Variants in GTF2IRD1 observed in about 807,000 individuals in gnomAD.
GTF2IRD1 encodes the protein general transcription factor II-I repeat domain-containing protein 1.
Under a neutral mutation model 113.2 loss-of-function variants are expected in GTF2IRD1, and 26 were observed. That is an observed-to-expected ratio of 0.23 (90% confidence interval 0.17 to 0.32). GTF2IRD1 has a LOEUF of 0.32. Among genes scored for constraint, GTF2IRD1 ranks in the 10% least tolerant of loss-of-function variants. The pLI is 1.00. For missense variants in GTF2IRD1, 864 were observed against 1,280.8 expected, an observed-to-expected ratio of 0.67 and a Z score of 4.97; for synonymous variants, 484 against 529.1, an observed-to-expected ratio of 0.91 and a Z score of 1.17.
intron 1 of GTF2IRD1, among the ~76,000 whole-genome samples, chr7:74,470,551 C>T (rs940376106): frequency 8.5e-5 from 13 of 152,108 alleles, no homozygotes; most frequent in Non-Finnish European, 1.6e-4. Flanking sequence ...GAAATGAAAG[C>T]TCAAATTCAC....
intron 26 of GTF2IRD1, chr7:74,602,099 G>A (rs1055528456): frequency 3.5e-5 from 10 of 282,616 alleles, no homozygotes; most frequent in Non-Finnish European, 5.2e-5. Flanking sequence ...AAAATTAGCC[G>A]GGCATGGTGG....
Position 74,508,123 on chromosome 7 carries a change from T to A in GTF2IRD1, c.43T>A (p.Cys15Ser), listed in dbSNP as rs1584550527. The change falls in exon 2 of 27, where the codon TGC (cysteine) becomes AGC (serine). Residue 15 changes from cysteine (C) to serine (S), a missense_variant. Around this residue, in one of 7 missense-constraint regions of GTF2IRD1, gnomAD observed 182 missense variants for 266.6 expected, o/e 0.68. Transcript: ENST00000424337. The part of the protein sequence containing the change: ...GKRCDVPTNG[C>S]GPDRWNSAFT... Reference sequence around the variant, plus strand: ...GCGCTGTGACGTCCCCACCAACGGCTGCGGACCCGACCGCTGGAACTCCGC... The same window carrying A: ...GCGCTGTGACGTCCCCACCAACGGCAGCGGACCCGACCGCTGGAACTCCGC... The A allele has an allele frequency of 2.5e-6, 4 of 1,611,160 alleles. No individual in the cohort carries two copies. The highest frequency in any genetic ancestry group is 1.3e-5 in the African/African-American group (1 of 74,912).
At chr7:74,504,814 TCTCCTGC>T (rs1474812232) in intron 1 of GTF2IRD1, among the ~76,000 whole-genome samples, 1 of 150,508 alleles carries the variant, frequency 6.6e-6, no homozygotes, top group East Asian at 2.0e-4. Flanking sequence ...TTCCAGCGAT[TCTCCTGC>T]CTCAGACTCC....
chr7:74,564,799 G>A (rs1800193283), intron 22 of GTF2IRD1, among the ~76,000 whole-genome samples: 1 of 152,140 alleles, frequency 6.6e-6, no homozygotes, highest in Non-Finnish European at 1.5e-5. Context: ...TTTCCCAGCT[G>A]AGGACATCAC....
At chr7:74,571,079 G>T in intron 22 of GTF2IRD1, 4 of 984,984 alleles carry the variant, frequency 4.1e-6, no homozygotes, top group Non-Finnish European at 4.8e-6. Flanking sequence ...AGCTTGAGGG[G>T]ACTGTGGGAA....
At chr7:74,526,808 A>T (rs1797628682) in intron 8 of GTF2IRD1, among the ~76,000 whole-genome samples, 1 of 151,854 alleles carries the variant, frequency 6.6e-6, no homozygotes, top group Non-Finnish European at 1.5e-5. Context: ...GTGGGGGGGA[A>T]GTGGGGAGAG....
At chr7:74,488,839 G>A (rs1554336083) in intron 1 of GTF2IRD1, among the ~76,000 whole-genome samples, 1 of 151,920 alleles carries the variant, frequency 6.6e-6, no homozygotes, top group African/African-American at 2.4e-5. Context: ...TACTAAGAGT[G>A]CCTTAAGAAA....
Position 74,523,517 on chromosome 7 carries a change from C to T in GTF2IRD1, c.1007-554C>T, listed in dbSNP as rs900598387. ...GGTGGATCACCTGAGGTCAGGAGTT[C>T]GACACCAGCCTGGCCAACATGGTGA... On this transcript the variant is annotated intron_variant, in intron 7 of 26. Transcript: ENST00000424337. Among the ~76,000 whole-genome samples, 4 of 152,124 alleles carry T rather than the reference C, an allele frequency of 2.6e-5. No homozygotes were observed. The South Asian group carries it at 6.2e-4, about 24-fold the overall frequency.
intron 1 of GTF2IRD1, among the ~76,000 whole-genome samples, chr7:74,497,893 T>C (rs1554338501): frequency 6.6e-6 from 1 of 152,086 alleles, no homozygotes; most frequent in Non-Finnish European, 1.5e-5. Context: ...TTAGTGGAGA[T>C]GGGTTTCACC....
Position 74,519,692 on chromosome 7 carries a change from G to A in GTF2IRD1, c.889G>A (p.Gly297Ser), listed in dbSNP as rs782267935. ...GCCCATGCCAGAGCCCAAGGCCACC[G>A]GTGCCCAAGACTTCTCCGACTGTTG... is the stretch of plus-strand genomic sequence containing the variant. ...SRPMPEPKAT[G>S]AQDFSDCCGQ... Residue 297 changes from glycine to serine, a missense_variant, in exon 6 of 27, where the codon GGT becomes AGT. By Grantham distance (56) the Gly-to-Ser change is moderately conservative. Transcript: ENST00000424337. 35 of 1,587,206 alleles carry A rather than the reference G, an allele frequency of 2.2e-5. No individual in the cohort carries two copies. Among genetic ancestry groups the A allele is most frequent in the Middle Eastern group, 1.7e-4 (1 of 5,928 alleles).
chr7:74,495,848 T>A (rs1795626512), intron 1 of GTF2IRD1, among the ~76,000 whole-genome samples: 1 of 152,156 alleles, frequency 6.6e-6, no homozygotes, highest in Non-Finnish European at 1.5e-5. Context: ...CAGGTTCAGC[T>A]TGATCTGTGA....
At chr7:74,503,978 T>A (rs1036864432) in intron 1 of GTF2IRD1, among the ~76,000 whole-genome samples, 3 of 152,244 alleles carry the variant, frequency 2.0e-5, no homozygotes, top group Non-Finnish European at 4.4e-5. Flanking sequence ...TACCCAACGT[T>A]TAGCTCCCCT....
At chr7:74,546,692 G>A (rs1798962957) in intron 16 of GTF2IRD1, among the ~76,000 whole-genome samples, 1 of 152,206 alleles carries the variant, frequency 6.6e-6, no homozygotes, top group South Asian at 2.1e-4. Flanking sequence ...AGCAGCGTGT[G>A]GGGTTGCTTA....
Position 74,542,466 on chromosome 7 carries a change from A to G in GTF2IRD1, c.1619-2289A>G, listed in dbSNP as rs375099808. Among the ~76,000 whole-genome samples, 9 of 152,328 alleles carry G rather than the reference A, an allele frequency of 5.9e-5. No homozygotes were observed. The East Asian group carries it at 1.2e-3, about 20-fold the overall frequency. On this transcript the variant is annotated intron_variant, in intron 14 of 26. Coordinates refer to ENST00000424337, the MANE Select transcript of GTF2IRD1 (RefSeq NM_005685.4). ...TGTAACACTAAGCAAAAGAGGAAAAATTGATTGTGCTTTGCTTACAACTGT... is the reference window on the plus strand; with the variant it reads ...TGTAACACTAAGCAAAAGAGGAAAAGTTGATTGTGCTTTGCTTACAACTGT...
At chr7:74,502,506 A>G (rs1273129215) in intron 1 of GTF2IRD1, among the ~76,000 whole-genome samples, 3 of 152,226 alleles carry the variant, frequency 2.0e-5, no homozygotes, top group Admixed American at 2.0e-4. Flanking sequence ...ATTGGAAATC[A>G]CAGCTGGATT....
intron 14 of GTF2IRD1, among the ~76,000 whole-genome samples, chr7:74,543,885 A>AAAAC (rs1554352430): frequency 6.6e-6 from 1 of 150,378 alleles, no homozygotes; most frequent in African/African-American, 2.4e-5. Context: ...AAAAAAAAAA[A>AAAAC]AAAAAAAAAA....
At chr7:74,547,364 A>G (rs777967153) in intron 17 of GTF2IRD1, 78 bp downstream of exon 17, 302 of 1,184,640 alleles carry the variant, frequency 2.5e-4, no homozygotes, top group Non-Finnish European at 3.5e-4. Context: ...CCAAATTGCC[A>G]TCAAGCAATT....
At chr7:74,567,946 C>T (rs113323312) in intron 22 of GTF2IRD1, among the ~76,000 whole-genome samples, 3,029 of 151,848 alleles carry the variant, frequency 0.02, 79 homozygotes, top group African/African-American at 0.067. Context: ...CTATCGCGCC[C>T]GACTATTTTT....
intron 22 of GTF2IRD1, among the ~76,000 whole-genome samples, chr7:74,571,658 TCGAAACCAGC>T (rs781955088): frequency 8.5e-5 from 13 of 152,066 alleles, no homozygotes; most frequent in Non-Finnish European, 1.8e-4. Context: ...ATCCAGGAGT[TCGAAACCAGC>T]CTGGGAAACA....
Sources: gnomAD v4.1 joint callset for allele counts (sites outside exome capture counted in the v4.1 genomes callset) on GRCh38, gnomAD v4.1.1 for gene constraint, gnomAD v4.1.1 regional missense constraint, MANE v1.5 for transcripts, NCBI Gene and HGNC (gene_info 2026-07-23, HGNC 2026-07-21) for gene names.